The following NEK1 variants were observed in gnomAD, a reference collection of about 807,000 sequenced individuals.
The protein encoded by NEK1 is NIMA related kinase 1.
In NEK1, 137 loss-of-function variants were observed where a neutral mutation model predicts 182.1. The observed-to-expected ratio is 0.75, with a 90% confidence interval of 0.65 to 0.87. The LOEUF (loss-of-function observed/expected upper bound fraction) is 0.87. Among genes scored for constraint, NEK1 ranks in the 40% least tolerant of loss-of-function variants. The probability of loss-of-function intolerance (pLI) is 0.00; values close to 1 mark genes in which losing one functional copy is unlikely to be tolerated. For synonymous variants in NEK1, 513 were observed against 492.2 expected (o/e 1.04, Z -0.56); for missense variants, 1,391 against 1,494.4 (o/e 0.93, Z 1.14).
chr4:169,595,133 A>G (rs920967356), intron 5 of NEK1, among the ~76,000 whole-genome samples: 45 of 152,310 alleles, frequency 3.0e-4, no homozygotes, highest in African/African-American at 1.0e-3. Flanking sequence ...TTAAATGATC[A>G]AGGAACTTAT....
intron 29 of NEK1, among the ~76,000 whole-genome samples, chr4:169,427,896 C>T (rs1187492877): frequency 1.3e-5 from 2 of 152,038 alleles, no homozygotes; most frequent in African/African-American, 4.8e-5. Flanking sequence ...CATGGCTCAC[C>T]TCACTGCAGC....
At chr4:169,536,442 G>A (rs1354626509) in intron 19 of NEK1, among the ~76,000 whole-genome samples, 1 of 151,360 alleles carries the variant, frequency 6.6e-6, no homozygotes, top group Non-Finnish European at 1.5e-5. Context: ...TCAGAAACAG[G>A]GCAAGCCAGA....
Position 169,507,183 on chromosome 4 carries a change from G to GTTTT in NEK1, c.1912-55_1912-52dup, listed in dbSNP as rs372604613. ...TGAGTTACCAGAAAGAAGGGCAGAG[G>GTTTT]TTTTTTTTTTTTTTTTTGGGCCAGG... On this transcript the variant is annotated intron_variant, in intron 22 of 35. Coordinates refer to ENST00000507142, the MANE Select transcript of NEK1 (RefSeq NM_001199397.3). The GTTTT allele has an allele frequency of 1.3e-3, 738 of 583,418 alleles. 10 individuals are homozygous for GTTTT. Among genetic ancestry groups the GTTTT allele is most frequent in the South Asian group, 1.8e-3 (59 of 33,340 alleles). The allele number at this position is 583,418 out of a possible 1,614,324, so 36.1% of individuals were successfully genotyped here.
At chr4:169,553,269 T>C (rs746866997) in intron 18 of NEK1, among the ~76,000 whole-genome samples, 1 of 152,098 alleles carries the variant, frequency 6.6e-6, no homozygotes, top group Non-Finnish European at 1.5e-5. Flanking sequence ...GAAACAAATA[T>C]AGTCTTTTCA....
At chr4:169,553,148 A>G (rs1401605100) in intron 18 of NEK1, among the ~76,000 whole-genome samples, 1 of 152,210 alleles carries the variant, frequency 6.6e-6, no homozygotes, top group East Asian at 1.9e-4. Flanking sequence ...ATGACTGAAA[A>G]TACCTGATTT....
At chr4:169,478,696 C>T (rs1003058198) in intron 24 of NEK1, among the ~76,000 whole-genome samples, 3 of 151,930 alleles carry the variant, frequency 2.0e-5, no homozygotes, top group Admixed American at 6.6e-5. Flanking sequence ...ACATCCATTA[C>T]CAGGAAAGGG....
chr4:169,561,897 A>G lies in NEK1; in HGVS notation c.1081-6T>C. ...CTTCTCTTTCTTGCTGCTTCCTTAA[A>G]TAAAAAAAAGAACATTTTAATCCAT... is the stretch of plus-strand genomic sequence containing the variant. On this transcript the variant is annotated splice_region_variant and splice_polypyrimidine_tract_variant and intron_variant, in intron 13 of 35. Transcript: ENST00000507142. The G allele has an allele frequency of 1.9e-6, 3 of 1,590,622 alleles. No individual in the cohort carries two copies. The highest frequency in any genetic ancestry group is 2.6e-6 in the Non-Finnish European group (3 of 1,169,738).
At chr4:169,430,738 T>G (rs1656431439) in intron 29 of NEK1, among the ~76,000 whole-genome samples, 1 of 152,094 alleles carries the variant, frequency 6.6e-6, no homozygotes, top group African/African-American at 2.4e-5. Context: ...TAATGTAAAC[T>G]ATAAACTTTA....
At chr4:169,428,206 C>T (rs961308548) in intron 29 of NEK1, among the ~76,000 whole-genome samples, 2 of 151,654 alleles carry the variant, frequency 1.3e-5, no homozygotes, top group South Asian at 2.1e-4. Flanking sequence ...GCCACAATTC[C>T]ACTCCAAGGT....
intron 2 of NEK1, among the ~76,000 whole-genome samples, chr4:169,603,813 C>T (rs994081660): frequency 6.6e-6 from 1 of 151,302 alleles, no homozygotes; most frequent in African/African-American, 2.4e-5. Context: ...TCCAGCGATT[C>T]CCCTGCCTCA....
At chr4:169,437,609 CT>C (rs1738659533) in intron 28 of NEK1, among the ~76,000 whole-genome samples, 1 of 152,176 alleles carries the variant, frequency 6.6e-6, no homozygotes, top group Admixed American at 6.5e-5. Flanking sequence ...ACCTTAGCAT[CT>C]GTGAGCCCCG....
intron 27 of NEK1, among the ~76,000 whole-genome samples, chr4:169,438,893 A>G (rs1738903789): frequency 6.6e-6 from 1 of 152,144 alleles, no homozygotes; most frequent in South Asian, 2.1e-4. Context: ...CAGCACTCCA[A>G]TGGTCATATC....
intron 23 of NEK1, 37 bp from the exon 24 acceptor site, chr4:169,479,571 TTA>T: frequency 6.6e-7 from 1 of 1,510,344 alleles, no homozygotes; most frequent in Non-Finnish European, 9.0e-7. Flanking sequence ...ATTAGGGATT[TTA>T]TATTTGTATG....
At chr4:169,426,015 T>C in intron 30 of NEK1, 131 bp downstream of exon 30, 1 of 672,442 alleles carries the variant, frequency 1.5e-6, no homozygotes, top group Middle Eastern at 3.0e-4. Context: ...ATGCCTATTA[T>C]ATTTTTTAAA....
At chr4:169,530,754 G>A (rs74586316) in intron 19 of NEK1, among the ~76,000 whole-genome samples, 1,809 of 151,514 alleles carry the variant, frequency 0.012, 32 homozygotes, top group African/African-American at 0.041. Context: ...CATAAGGGTT[G>A]GCGGGGGGTG....
chr4:169,595,872 G>A (rs1769371414), intron 5 of NEK1, among the ~76,000 whole-genome samples: 2 of 133,912 alleles, frequency 1.5e-5, no homozygotes, highest in East Asian at 2.3e-4. Flanking sequence ...GCAGTGAGCC[G>A]AGATCACGCA....
At chr4:169,603,025 T>C (rs1477048458) in intron 2 of NEK1, among the ~76,000 whole-genome samples, 2 of 152,188 alleles carry the variant, frequency 1.3e-5, no homozygotes, top group South Asian at 2.1e-4. Flanking sequence ...CACTATTTCT[T>C]GAAGTTATTT....
chr4:169,466,790 T>C (rs1358559003), intron 26 of NEK1, among the ~76,000 whole-genome samples: 1 of 151,990 alleles, frequency 6.6e-6, no homozygotes, highest in Non-Finnish European at 1.5e-5. Flanking sequence ...AGACACAAAA[T>C]AGTTTTTTCT....
chr4:169,578,015 C>T (rs1173859274), intron 11 of NEK1, among the ~76,000 whole-genome samples: 1 of 152,000 alleles, frequency 6.6e-6, no homozygotes, highest in Non-Finnish European at 1.5e-5. Flanking sequence ...AAATTGGTTA[C>T]ACTTTCTGGA....
Sources: allele counts gnomAD v4.1 joint callset (sites outside exome capture counted in the v4.1 genomes callset), GRCh38; gene constraint gnomAD v4.1.1; transcripts MANE v1.5; gene names NCBI Gene and HGNC (gene_info 2026-07-23, HGNC 2026-07-21).